The following ROBO2 variants were observed in gnomAD, a reference collection of about 807,000 sequenced individuals.
ROBO2 encodes the protein roundabout homolog 2.
Under a neutral mutation model 160.8 loss-of-function variants are expected in ROBO2, and 53 were observed. That is an observed-to-expected ratio of 0.33 (90% CI 0.26 to 0.41). The LOEUF is 0.41. Ranked by LOEUF, ROBO2 falls within the 10% of genes least tolerant of loss-of-function variation. The pLI is 1.00. For missense variants in ROBO2, 1,577 were observed against 1,722.4 expected, an observed-to-expected ratio of 0.92 and a Z score of 1.49; for synonymous variants, 664 against 611.7, an observed-to-expected ratio of 1.09 and a Z score of -1.26.
At chr3:76,186,712 A>G (rs1452767710) in intron 2 of ROBO2, among the ~76,000 whole-genome samples, 1 of 152,002 alleles carries the variant, frequency 6.6e-6, no homozygotes, top group African/African-American at 2.4e-5. Flanking sequence ...TCTGTCTCCA[A>G]CCACTTCTAC....
chr3:76,294,251 GGCTGGGCAGCT>G (rs1437303444), intron 2 of ROBO2, among the ~76,000 whole-genome samples: 1 of 152,122 alleles, frequency 6.6e-6, no homozygotes, highest in Non-Finnish European at 1.5e-5. Flanking sequence ...CTGCAGCTGT[GGCTGGGCAGCT>G]GCAGCTGCCC....
intron 2 of ROBO2, among the ~76,000 whole-genome samples, chr3:76,301,399 A>C (rs1005210647): frequency 1.3e-5 from 2 of 152,166 alleles, no homozygotes; most frequent in African/African-American, 2.4e-5. Flanking sequence ...TTCAAAAAAA[A>C]CTGAGAATTA....
chr3:76,740,095 C>A (rs547068698), intron 2 of ROBO2, among the ~76,000 whole-genome samples: 1 of 152,068 alleles, frequency 6.6e-6, no homozygotes, highest in East Asian at 1.9e-4. Flanking sequence ...ACAACTTTAT[C>A]GTTAAATCAA....
intron 2 of ROBO2, among the ~76,000 whole-genome samples, chr3:76,212,380 G>C (rs1309322867): frequency 6.6e-6 from 1 of 151,874 alleles, no homozygotes; most frequent in African/African-American, 2.4e-5. Flanking sequence ...TTTATTAAAA[G>C]AGGGACAGGG....
intron 2 of ROBO2, among the ~76,000 whole-genome samples, chr3:76,336,170 A>G (rs1397738574): frequency 6.6e-6 from 1 of 152,162 alleles, no homozygotes; most frequent in Non-Finnish European, 1.5e-5. Context: ...TCTTGTTCTC[A>G]TTGACCTGGT....
chr3:76,752,400 C>A (rs539146655), intron 2 of ROBO2, among the ~76,000 whole-genome samples: 1 of 150,104 alleles, frequency 6.7e-6, no homozygotes, highest in Non-Finnish European at 1.5e-5. Context: ...TAACAAACCA[C>A]GTTGTGCACA....
chr3:77,610,294 A>G (rs2094603297), intron 21 of ROBO2, among the ~76,000 whole-genome samples: 1 of 152,146 alleles, frequency 6.6e-6, no homozygotes, highest in African/African-American at 2.4e-5. Context: ...TTCTTGGCAT[A>G]CAAAATATAA....
At chr3:76,629,378 C>T (rs1483996786) in intron 2 of ROBO2, among the ~76,000 whole-genome samples, 1 of 152,096 alleles carries the variant, frequency 6.6e-6, no homozygotes, top group African/African-American at 2.4e-5. Context: ...TGTTGATTCA[C>T]ATAATCACAA....
At chr3:77,452,370 C>G (rs1431717950) in intron 2 of ROBO2, among the ~76,000 whole-genome samples, 1 of 152,060 alleles carries the variant, frequency 6.6e-6, no homozygotes, top group East Asian at 1.9e-4. Flanking sequence ...TTATCTTTTT[C>G]TCCCGCTCTC....
chr3:76,418,236 A>G (rs1309031364), intron 2 of ROBO2, among the ~76,000 whole-genome samples: 2 of 151,600 alleles, frequency 1.3e-5, no homozygotes, highest in Non-Finnish European at 2.9e-5. Flanking sequence ...ACAAATAGAG[A>G]GAGAGAGAGA....
rs140916423 is a variant in ROBO2, at chr3:77,497,888, C to T, written c.806+4506C>T. 4.0e-3 allele frequency among the ~76,000 whole-genome samples: 611 copies of T among 151,646 alleles called. 7 individuals carry two copies. Among genetic ancestry groups the T allele is most frequent in the African/African-American group, 0.014 (583 of 41,364 alleles). On this transcript the variant is annotated intron_variant, in intron 5 of 25. Coordinates refer to ENST00000461745, the Ensembl canonical transcript of ROBO2. ...ACATTAACATAACACAAGTAACATG[C>T]CATAAAGAAACAGTATAATACATTT...
At chr3:77,265,941 C>A (rs1489138767) in intron 2 of ROBO2, among the ~76,000 whole-genome samples, 1 of 152,126 alleles carries the variant, frequency 6.6e-6, no homozygotes, top group African/African-American at 2.4e-5. Flanking sequence ...TACATACCAA[C>A]CTGCAAGAAA....
At chr3:77,284,318 T>C (rs993691819) in intron 2 of ROBO2, among the ~76,000 whole-genome samples, 1 of 152,270 alleles carries the variant, frequency 6.6e-6, no homozygotes, top group Non-Finnish European at 1.5e-5. Flanking sequence ...TAAGTTTTCT[T>C]AAGCTCTCTG....
rs374175338 is a variant in ROBO2, at chr3:76,487,587, C to T, written c.109+549985C>T. 9.0e-4 allele frequency among the ~76,000 whole-genome samples: 137 copies of T among 152,222 alleles called. 1 individual carries two copies. In the South Asian group the frequency reaches 0.025, roughly 28 times the overall value. ...ACGCCAAACACCAGTAGTCATAATA[C>T]TTTCTCTCTGACTCATATTATCAGG... On this transcript the variant is annotated intron_variant, in intron 2 of 26. Coordinates refer to the ROBO2 transcript ENST00000487694.
chr3:77,207,111 A>T (rs1352803640), intron 2 of ROBO2, among the ~76,000 whole-genome samples: 1 of 152,216 alleles, frequency 6.6e-6, no homozygotes, highest in Non-Finnish European at 1.5e-5. Flanking sequence ...GAATTGATTT[A>T]TTTGGCAACG....
At chr3:76,404,633 A>G (rs1270909958) in intron 2 of ROBO2, among the ~76,000 whole-genome samples, 3 of 147,818 alleles carry the variant, frequency 2.0e-5, no homozygotes, top group Admixed American at 1.3e-4. Context: ...GGCACATTTT[A>G]CTTTATCATT....
chr3:77,567,247 G>A (rs2093511034), intron 12 of ROBO2, among the ~76,000 whole-genome samples: 1 of 151,886 alleles, frequency 6.6e-6, no homozygotes, highest in African/African-American at 2.4e-5. Context: ...GAGATAATAA[G>A]AAAAAACAGG....
intron 2 of ROBO2, among the ~76,000 whole-genome samples, chr3:76,978,711 T>C (rs2059930874): frequency 6.6e-6 from 1 of 152,040 alleles, no homozygotes; most frequent in South Asian, 2.1e-4. Flanking sequence ...AGAAGAGAAA[T>C]TGCAACCTTA....
At position 76,097,403 on chromosome 3, in the gene ROBO2, G is replaced by A. The variant is rs186278143; in HGVS notation, c.109+159801G>A. Among the ~76,000 whole-genome samples the A allele has an allele frequency of 2.6e-4, 39 of 152,246 alleles. No homozygotes were observed. The East Asian group carries it at 4.3e-3, about 17-fold the overall frequency. The stretch of plus-strand genomic sequence containing the variant: ...GCTGAGAAGAGCTATTGATGCTTCC[G>A]TGCTGGCCAGCTGTGGTTCATTAAT... On this transcript the variant is annotated intron_variant, in intron 2 of 26. Transcript: ENST00000487694.
Sources: allele counts gnomAD v4.1 joint callset (sites outside exome capture counted in the v4.1 genomes callset), GRCh38; gene constraint gnomAD v4.1.1; transcripts MANE v1.5; gene names NCBI Gene and HGNC (gene_info 2026-07-23, HGNC 2026-07-21).